Variants in KIAA1958 observed in about 807,000 individuals in gnomAD.
KIAA1958 encodes the protein uncharacterized protein KIAA1958.
Under a neutral mutation model 47.2 loss-of-function variants are expected in KIAA1958, and 14 were observed. The observed-to-expected ratio is 0.30, with a 90% confidence interval of 0.20 to 0.46. The LOEUF (loss-of-function observed/expected upper bound fraction) is 0.46. Among genes scored for constraint, KIAA1958 ranks in the 20% least tolerant of loss-of-function variants. KIAA1958 has a pLI of 1.00. For synonymous variants in KIAA1958, 354 were observed against 353.3 expected (o/e 1.00, Z -0.02); for missense variants, 803 against 909.2 (o/e 0.88, Z 1.50).
chr9:112,572,809 C>G lies in KIAA1958; in HGVS notation c.-24-1248C>G, dbSNP rs183448890. On this transcript the variant is annotated intron_variant, in intron 1 of 3. Transcript: ENST00000337530. The stretch of plus-strand genomic sequence containing the variant: ...GTGGCCGTGGCCACATCAACAGAGA[C>G]CTTAATAGTATGTTAAAGGATTTGA... Among the ~76,000 whole-genome samples, 164 of 152,304 alleles carry G rather than the reference C, an allele frequency of 1.1e-3. 1 individual carries two copies. The highest frequency in any genetic ancestry group is 3.4e-4 in the Non-Finnish European group (23 of 68,026).
In KIAA1958 at chr9:112,659,438, C is replaced by T. The variant is rs770833675; in HGVS notation, c.1520C>T (p.Thr507Ile). ...SITSSTFSSS[T>I]KKLKEKLWVL... ...ACCAGCAGCACCTTCAGCTCCTCCA[C>T]CAAGAAACTCAAGGAGAAGCTGTGG... The change falls in exon 4 of 4, where the codon ACC (threonine) becomes ATC (isoleucine). Residue 507 changes from threonine to isoleucine, a missense_variant. Transcript: ENST00000337530. 2 of 1,614,138 alleles carry T rather than the reference C, an allele frequency of 1.2e-6. No homozygotes were observed. The highest frequency in any genetic ancestry group is 2.2e-5 in the South Asian group (2 of 91,068).
intron 2 of KIAA1958, 77 bp from the exon 3 acceptor site, chr9:112,645,573 T>A: frequency 1.0e-6 from 1 of 981,164 alleles, no homozygotes. Flanking sequence ...TTTTCTGTTA[T>A]TTATCATCCC....
intron 1 of KIAA1958, among the ~76,000 whole-genome samples, chr9:112,495,588 G>A (rs1834039660): frequency 6.6e-6 from 1 of 152,212 alleles, no homozygotes; most frequent in African/African-American, 2.4e-5. Flanking sequence ...GAATGGAAAT[G>A]TAAAGTGGTA....
intron 2 of KIAA1958, among the ~76,000 whole-genome samples, chr9:112,584,136 G>C (rs1835783496): frequency 6.6e-6 from 1 of 152,136 alleles, no homozygotes; most frequent in Non-Finnish European, 1.5e-5. Context: ...CAATGCTTCA[G>C]GGTTGAACTT....
chr9:112,507,969 C>T (rs2132774757), intron 1 of KIAA1958, among the ~76,000 whole-genome samples: 1 of 151,928 alleles, frequency 6.6e-6, no homozygotes, highest in South Asian at 2.1e-4. Context: ...GGGTTTTTGA[C>T]CCCTTTGAGA....
intron 3 of KIAA1958, among the ~76,000 whole-genome samples, chr9:112,652,022 A>G (rs1294593438): frequency 6.6e-6 from 1 of 152,216 alleles, no homozygotes; most frequent in Non-Finnish European, 1.5e-5. Flanking sequence ...GTGCAACACC[A>G]TGCCTGGCTA....
chr9:112,597,957 G>T (rs191341864), intron 2 of KIAA1958, among the ~76,000 whole-genome samples: 95 of 152,296 alleles, frequency 6.2e-4, no homozygotes, highest in African/African-American at 2.2e-3. Context: ...GGGAAAAAAA[G>T]GTTCCTTGCA....
At chr9:112,605,185 A>G (rs186896606) in intron 2 of KIAA1958, among the ~76,000 whole-genome samples, 4 of 152,092 alleles carry the variant, frequency 2.6e-5, no homozygotes, top group Admixed American at 1.3e-4. Flanking sequence ...AGAGGTTTGA[A>G]ATGGACACAG....
rs1441268369 is a variant in KIAA1958, at chr9:112,659,495, G to A, written c.1577G>A (p.Arg526His). ...VLSKAGMSGA[R>H]SRNIVYFSLS... ...AGTAAGGCAGGCATGTCGGGCGCGC[G>A]TTCTCGCAACATCGTCTACTTCTCC... is the stretch of plus-strand genomic sequence containing the variant. Residue 526 changes from arginine (R) to histidine (H), a missense_variant, in exon 4 of 4, where the codon CGT becomes CAT. Around this residue, in one of 2 missense-constraint regions of KIAA1958, gnomAD observed 761 missense variants for 829.3 expected, o/e 0.92. Transcript: ENST00000337530. The A allele has an allele frequency of 5.0e-6, 8 of 1,613,480 alleles. No homozygotes were observed. In the East Asian group the frequency reaches 6.7e-5, roughly 13 times the overall value.
In KIAA1958 at chr9:112,589,718, G is replaced by T. The variant is rs554597024; in HGVS notation, c.1171+14467G>T. On this transcript the variant is annotated intron_variant, in intron 2 of 3. Transcript: ENST00000337530. ...AGGACGGAACAAGTTGATTGGCAGGGCTGCCTTTCCAGAGCAGGTAGAGAG... is the reference window on the plus strand; with the variant it reads ...AGGACGGAACAAGTTGATTGGCAGGTCTGCCTTTCCAGAGCAGGTAGAGAG... Among the ~76,000 whole-genome samples the T allele has an allele frequency of 9.9e-4, 151 of 152,314 alleles. 6 individuals are homozygous for T. In the South Asian group the frequency reaches 0.03, roughly 30 times the overall value.
intron 1 of KIAA1958, among the ~76,000 whole-genome samples, chr9:112,517,144 ATTAATTCCATATATT>A (rs1834451351): frequency 6.6e-6 from 1 of 151,436 alleles, no homozygotes; most frequent in East Asian, 1.9e-4. Flanking sequence ...TATTTAATAT[ATTAATTCCATATATT>A]AATTATTATT....
rs1424315732 is a variant in KIAA1958, at chr9:112,662,402, A to G, written c.*2333A>G. On this transcript the variant is annotated 3_prime_UTR_variant, in exon 4 of 4. Coordinates refer to ENST00000337530, the MANE Select transcript of KIAA1958 (RefSeq NM_133465.4). ...GTACTAGGTACTTTATTATGCATTT[A>G]TGTATATGTGTGTGTGTCTGTGTAT... 2.0e-5 allele frequency: 3 copies of G among 152,218 alleles called. No homozygotes were observed. The highest frequency in any genetic ancestry group is 6.5e-5 in the Admixed American group (1 of 15,288). The allele number at this position is 152,218 out of a possible 1,614,324, so 9.4% of individuals were successfully genotyped here.
intron 1 of KIAA1958, among the ~76,000 whole-genome samples, chr9:112,515,118 T>A (rs574796667): frequency 1.6e-4 from 1 of 6,140 alleles, no homozygotes; most frequent in African/African-American, 7.2e-4. Context: ...CAGCCGCCCC[T>A]TCCGGGAGGT....
In KIAA1958 at chr9:112,618,759, A is replaced by T. The variant is rs1836447991; in HGVS notation, c.1172-26891A>T. ...GGCAGGAAAACCAACTTCAGTGTGT[A>T]TCAGAGCTGCAGCACCTTGTCTGAG... On this transcript the variant is annotated intron_variant, in intron 2 of 3. Transcript: ENST00000337530. The surrounding 1 kb of genome is among the most constrained non-coding windows in gnomAD (Gnocchi z 7.1). 6.4e-7 allele frequency: 1 copy of T among 1,550,560 alleles called. No homozygotes were observed.
At chr9:112,565,875 C>G (rs1835419598) in intron 1 of KIAA1958, among the ~76,000 whole-genome samples, 1 of 152,170 alleles carries the variant, frequency 6.6e-6, no homozygotes, top group Non-Finnish European at 1.5e-5. Flanking sequence ...ATAATAAAAG[C>G]AACTTAATGT....
At chr9:112,529,066 T>C (rs754326097) in intron 1 of KIAA1958, among the ~76,000 whole-genome samples, 2 of 152,200 alleles carry the variant, frequency 1.3e-5, no homozygotes, top group Non-Finnish European at 2.9e-5. Flanking sequence ...TTTCCAAAAA[T>C]ATTTATTGAA....
At chr9:112,596,801 C>G (rs1301527798) in intron 2 of KIAA1958, among the ~76,000 whole-genome samples, 1 of 152,074 alleles carries the variant, frequency 6.6e-6, no homozygotes, top group Non-Finnish European at 1.5e-5. Flanking sequence ...CTTTATGTGC[C>G]ATACATCTTT....
At chr9:112,634,864 G>GT (rs1836776437) in intron 2 of KIAA1958, among the ~76,000 whole-genome samples, 1 of 152,100 alleles carries the variant, frequency 6.6e-6, no homozygotes, top group African/African-American at 2.4e-5. Flanking sequence ...TTAGAAGTGT[G>GT]TAATTATCCC....
At chr9:112,563,364 G>T (rs1342047565) in intron 1 of KIAA1958, among the ~76,000 whole-genome samples, 1 of 151,984 alleles carries the variant, frequency 6.6e-6, no homozygotes, top group Non-Finnish European at 1.5e-5. Context: ...CACTAATACG[G>T]TATATCTTTC....
Sources: gnomAD v4.1 joint callset for allele counts (sites outside exome capture counted in the v4.1 genomes callset) on GRCh38, gnomAD v4.1.1 for gene constraint, gnomAD v4.1.1 regional missense constraint, Gnocchi (gnomAD v3.1) non-coding constraint, MANE v1.5 for transcripts, NCBI Gene and HGNC (gene_info 2026-07-23, HGNC 2026-07-21) for gene names.